POPDC2: variants seen among roughly 807,000 people sequenced by gnomAD.
POPDC2 encodes the protein popeye domain-containing protein 2.
POPDC2 carries 24 observed loss-of-function variants against 30.5 expected under a neutral mutation model. The observed-to-expected ratio is 0.79, with a 90% CI of 0.57 to 1.11. POPDC2 has a LOEUF of 1.11. Ranked by LOEUF, POPDC2 falls within the 50% of genes least tolerant of loss-of-function variation. The pLI, the probability that POPDC2 is intolerant of heterozygous loss-of-function variation, is 0.00. For missense variants in POPDC2, 409 were observed against 447.0 expected (o/e 0.91, Z 0.77); for synonymous variants, 185 against 183.3 (o/e 1.01, Z -0.07).
At chr3:119,654,397 T>C (rs1157817815) in intron 2 of POPDC2, 108 bp downstream of exon 2, 13 of 761,750 alleles carry the variant, frequency 1.7e-5, no homozygotes, top group Non-Finnish European at 2.7e-5. Flanking sequence ...AGCTTCACAC[T>C]GGCAGGGGTG....
chr3:119,654,514 C>T lies in POPDC2; in HGVS notation c.591G>A (p.Gly197=), dbSNP rs756060800. Residue 197 remains glycine (G), a synonymous_variant, in exon 2 of 4, where the codon GGG becomes GGA. Coordinates refer to ENST00000493094, the MANE Select transcript of POPDC2 (RefSeq NM_001369919.2). ...EWESLQPSEE[G]VFQVTLTAET... ...CCAGGCTCCCTGTTACCTGGAACAC[C>T]CCCTCCTCAGAAGGCTGTAGTGATT... 3.1e-6 allele frequency: 5 copies of T among 1,611,404 alleles called. No homozygotes were observed. Among genetic ancestry groups the T allele is most frequent in the African/African-American group, 2.7e-5 (2 of 74,848 alleles).
chr3:119,659,067 C>A (rs2052910607), intron 1 of POPDC2, among the ~76,000 whole-genome samples: 1 of 152,136 alleles, frequency 6.6e-6, no homozygotes, highest in Admixed American at 6.5e-5. Context: ...CAATTGCCTA[C>A]TAAGTGTGTA....
chr3:119,655,532 A>T (rs2052869646), intron 1 of POPDC2, among the ~76,000 whole-genome samples: 1 of 152,172 alleles, frequency 6.6e-6, no homozygotes, highest in African/African-American at 2.4e-5. Context: ...TGCTCCACAG[A>T]TTCTCCTTTC....
Position 119,648,101 on chromosome 3 carries a change from T to C in POPDC2, c.*43+18A>G, listed in dbSNP as rs1010798486. On this transcript the variant is annotated intron_variant, in intron 3 of 3. Transcript: ENST00000493094. ...GCCATTGACAGGAATGTGCAGCGGC[T>C]GCCTTCTGAGTACTTACATAGGATC... The C allele has an allele frequency of 7.0e-7, 1 of 1,437,838 alleles. No individual in the cohort carries two copies. 89.1% of individuals were successfully genotyped at this position (1,437,838 alleles called of 1,614,324 possible). A position where few individuals can be genotyped will look rare whatever the true frequency, so the allele number is the denominator to read the frequency against.
Position 119,660,283 on chromosome 3 carries a change from C to G in POPDC2, c.141G>C (p.Val47=). Reference sequence around the variant, plus strand: ...AGCCAAAAAGATAGAAGCATCCATACACCCCACTGCCCCCCATGAAGCCCA... The same window carrying G: ...AGCCAAAAAGATAGAAGCATCCATAGACCCCACTGCCCCCCATGAAGCCCA... The part of the protein sequence containing the change: ...LLLGFMGGSG[V]YGCFYLFGFL... Residue 47 remains valine, a synonymous_variant, in exon 1 of 4, where the codon GTG becomes GTC. Coordinates refer to ENST00000493094, the MANE Select transcript of POPDC2 (RefSeq NM_001369919.2). 6.2e-7 allele frequency: 1 copy of G among 1,614,206 alleles called. No individual in the cohort carries two copies. Among genetic ancestry groups the G allele is most frequent in the Non-Finnish European group, 8.5e-7 (1 of 1,180,036 alleles).
Position 119,648,568 on chromosome 3 carries a change from G to A in POPDC2, c.701C>T (p.Ser234Leu), listed in dbSNP as rs201668102. 50 of 1,614,162 alleles carry A rather than the reference G, an allele frequency of 3.1e-5. 2 individuals carry two copies. The highest frequency in any genetic ancestry group is 3.1e-4 in the African/African-American group (23 of 75,028). The part of the protein sequence containing the change: ...TKERYISCLF[S>L]ALLGYDISEK... ...TGAGATGTCATATCCCAGCAGAGCC[G>A]AGAAGAGGCAGGAGATGTATCGCTC... Residue 234 changes from serine to leucine, a missense_variant, in exon 3 of 4, where the codon TCG becomes TTG. Transcript: ENST00000493094.
intron 1 of POPDC2, among the ~76,000 whole-genome samples, chr3:119,659,693 T>C (rs1389343927): frequency 6.6e-6 from 1 of 152,164 alleles, no homozygotes; most frequent in Non-Finnish European, 1.5e-5. Flanking sequence ...CAAGTGCACA[T>C]ACAATCATTC....
rs758799402 is a variant in POPDC2 at position 119,660,226 on chromosome 3, C to T, written c.198G>A (p.Leu66=). The change falls in exon 1 of 4, where the codon CTG becomes CTA. Residue 66 remains leucine (L), a synonymous_variant. Coordinates refer to ENST00000493094, the MANE Select transcript of POPDC2 (RefSeq NM_001369919.2). ...GGCCACAGGCACTGAACCAGCCCCA[C>T]AGCACGCAGCACAGGTAACCTGCAC... ...FLSAGYLCCV[L]WGWFSACGLD... 8 of 1,614,228 alleles carry T rather than the reference C, an allele frequency of 5.0e-6. No homozygotes were observed. The Admixed American group carries it at 8.3e-5, about 17-fold the overall frequency.
At chr3:119,647,988 G>A in intron 3 of POPDC2, 131 bp downstream of exon 3, 1 of 668,062 alleles carries the variant, frequency 1.5e-6, no homozygotes, top group Non-Finnish European at 2.4e-6. Context: ...TATCTTCAAA[G>A]TTGGGTTAAT....
chr3:119,656,990 C>T (rs146115631), intron 1 of POPDC2, among the ~76,000 whole-genome samples: 1 of 152,224 alleles, frequency 6.6e-6, no homozygotes, highest in East Asian at 1.9e-4. Flanking sequence ...GGCTGCAAGT[C>T]AATGTGATAG....
At chr3:119,645,557 C>G (rs575454249) in intron 3 of POPDC2, among the ~76,000 whole-genome samples, 3 of 122,416 alleles carry the variant, frequency 2.5e-5, no homozygotes, top group African/African-American at 9.5e-5. Flanking sequence ...AGCGAGACTC[C>G]GTCTCAAACA....
chr3:119,647,360 C>T (rs912249621), intron 3 of POPDC2, among the ~76,000 whole-genome samples: 11 of 152,182 alleles, frequency 7.2e-5, no homozygotes, highest in African/African-American at 2.7e-4. Context: ...AGCAATTTCC[C>T]AGAACCACTG....
At chr3:119,654,663 A>G in intron 1 of POPDC2, 50 bp from the exon 2 acceptor site, 3 of 1,336,556 alleles carry the variant, frequency 2.2e-6, no homozygotes, top group South Asian at 1.2e-5. Flanking sequence ...ATGGCTCTCC[A>G]AGCCACCTAT....
At chr3:119,659,355 G>T (rs562840096) in intron 1 of POPDC2, among the ~76,000 whole-genome samples, 3 of 152,258 alleles carry the variant, frequency 2.0e-5, no homozygotes, top group African/African-American at 7.2e-5. Flanking sequence ...TGGGCAAGGG[G>T]TATTCACTCT....
chr3:119,660,208 G>A lies in POPDC2; in HGVS notation c.216C>T (p.Ala72=). 6.2e-7 allele frequency: 1 copy of A among 1,614,224 alleles called. No individual in the cohort carries two copies. Among genetic ancestry groups the A allele is most frequent in the Non-Finnish European group, 8.5e-7 (1 of 1,180,042 alleles). Residue 72 remains alanine, a synonymous_variant, in exon 1 of 4, where the codon GCC becomes GCT. Transcript: ENST00000493094. ...LCCVLWGWFS[A]CGLDIVLWSF... Reference sequence around the variant, plus strand: ...TCCAAAGAACAATGTCCAGGCCACAGGCACTGAACCAGCCCCACAGCACGC... The same window carrying A: ...TCCAAAGAACAATGTCCAGGCCACAAGCACTGAACCAGCCCCACAGCACGC...
At chr3:119,642,986 C>T (rs1415001755) in intron 3 of POPDC2, among the ~76,000 whole-genome samples, 7 of 152,172 alleles carry the variant, frequency 4.6e-5, no homozygotes, top group Non-Finnish European at 7.3e-5. Flanking sequence ...AAACATGACT[C>T]AGGAGCAGCC....
chr3:119,658,917 T>C (rs1285317031), intron 1 of POPDC2, among the ~76,000 whole-genome samples: 1 of 3,520 alleles, frequency 2.8e-4, no homozygotes, highest in Non-Finnish European at 1.0e-3. Flanking sequence ...CTGGATTTGC[T>C]TTTTTTTTTT....
chr3:119,660,244 A>G lies in POPDC2; in HGVS notation c.180T>C (p.Gly60=). 3 of 1,614,172 alleles carry G rather than the reference A, an allele frequency of 1.9e-6. No individual in the cohort carries two copies. The South Asian group carries it at 3.3e-5, about 18-fold the overall frequency. The change falls in exon 1 of 4, where the codon GGT becomes GGC. Residue 60 remains glycine (G), a synonymous_variant. Coordinates refer to ENST00000493094, the MANE Select transcript of POPDC2 (RefSeq NM_001369919.2). ...AGCCCCACAGCACGCAGCACAGGTA[A>G]CCTGCACTCAGGAAGCCAAAAAGAT... ...CFYLFGFLSA[G]YLCCVLWGWF... is the part of the protein sequence containing the mutation.
Position 119,649,717 on chromosome 3 carries a change from A to G in POPDC2, c.601-1049T>C, listed in dbSNP as rs573611983. 3.3e-5 allele frequency among the ~76,000 whole-genome samples: 5 copies of G among 152,358 alleles called. No homozygotes were observed. The South Asian group carries it at 1.0e-3, about 32-fold the overall frequency. ...TTAAGCACTTTATATGAATTGTCAA[A>G]TTTAAAGTAGGGTAGCTTTCCAAAC... On this transcript the variant is annotated intron_variant, in intron 2 of 3. Transcript: ENST00000493094.
Sources: gnomAD v4.1 joint callset for allele counts (sites outside exome capture counted in the v4.1 genomes callset) on GRCh38, gnomAD v4.1.1 for gene constraint, MANE v1.5 for transcripts, NCBI Gene and HGNC (gene_info 2026-07-23, HGNC 2026-07-21) for gene names.